GABRG3: variants seen among roughly 807,000 people sequenced by gnomAD.
GABRG3 encodes gamma-aminobutyric acid receptor subunit gamma-3.
GABRG3 carries 25 observed loss-of-function variants against 48.8 expected under a neutral mutation model. That is an observed-to-expected ratio of 0.51 (90% CI 0.37 to 0.72). GABRG3 has a LOEUF of 0.72. Ranked by LOEUF, GABRG3 falls within the 30% of genes least tolerant of loss-of-function variation. The pLI, the probability that GABRG3 is intolerant of heterozygous loss-of-function variation, is 0.00. For missense variants in GABRG3, 394 were observed against 577.9 expected, an observed-to-expected ratio of 0.68 and a Z score of 3.26; for synonymous variants, 227 against 217.6, an observed-to-expected ratio of 1.04 and a Z score of -0.38.
chr15:27,423,929 A>G (rs1888210756), intron 5 of GABRG3, among the ~76,000 whole-genome samples: 1 of 151,926 alleles, frequency 6.6e-6, no homozygotes, highest in Non-Finnish European at 1.5e-5. Context: ...TTAAGTGCCA[A>G]GTGAGTTAAT....
At chr15:27,423,721 C>CTTTTTTTTTTTTTT (rs542775399) in intron 5 of GABRG3, among the ~76,000 whole-genome samples, 2 of 81,778 alleles carry the variant, frequency 2.4e-5, no homozygotes, top group African/African-American at 5.8e-5. Flanking sequence ...TTTTCTTTTC[C>CTTTTTTTTTTTTTT]TTTTTTTTTT....
chr15:27,437,619 T>A (rs1888658914), intron 5 of GABRG3, among the ~76,000 whole-genome samples: 1 of 152,218 alleles, frequency 6.6e-6, no homozygotes, highest in Non-Finnish European at 1.5e-5. Flanking sequence ...CTGGACATGG[T>A]CACTGCTACT....
Position 27,538,408 on chromosome 15 carries a change from C to T in GABRG3, c.*5527C>T, listed in dbSNP as rs1272078172. On this transcript the variant is annotated 3_prime_UTR_variant, in exon 10 of 10. Coordinates refer to ENST00000615808, the MANE Select transcript of GABRG3 (RefSeq NM_033223.5). Reference sequence around the variant, plus strand: ...TAGGCAGACAAAACATATGTTCTCACACACACACCACTTCCAAAACAGACA... The same window carrying T: ...TAGGCAGACAAAACATATGTTCTCATACACACACCACTTCCAAAACAGACA... 6.6e-6 allele frequency: 1 copy of T among 152,202 alleles called. No individual in the cohort carries two copies. Among genetic ancestry groups the T allele is most frequent in the Non-Finnish European group, 1.5e-5 (1 of 68,042 alleles). 9.4% of individuals were successfully genotyped at this position (152,202 alleles called of 1,614,324 possible).
At chr15:27,270,750 G>T (rs929434409) in intron 3 of GABRG3, among the ~76,000 whole-genome samples, 1 of 152,166 alleles carries the variant, frequency 6.6e-6, no homozygotes, top group African/African-American at 2.4e-5. Flanking sequence ...TCACCAAAAA[G>T]AAATGGCTAA....
intron 3 of GABRG3, among the ~76,000 whole-genome samples, chr15:27,089,260 G>A (rs185101363): frequency 6.6e-6 from 1 of 152,296 alleles, no homozygotes; most frequent in African/African-American, 2.4e-5. Flanking sequence ...CACAGAGCGC[G>A]ACATTCCCTT....
chr15:27,402,031 A>T (rs1222553347), intron 5 of GABRG3, among the ~76,000 whole-genome samples: 1 of 152,230 alleles, frequency 6.6e-6, no homozygotes, highest in African/African-American at 2.4e-5. Flanking sequence ...TATTACAGTG[A>T]TGATTTTATT....
intron 3 of GABRG3, among the ~76,000 whole-genome samples, chr15:27,146,271 G>T (rs775459053): frequency 6.6e-6 from 1 of 152,086 alleles, no homozygotes. Flanking sequence ...TGGCTAACAC[G>T]TTGAAACCCT....
intron 5 of GABRG3, among the ~76,000 whole-genome samples, chr15:27,340,241 C>T (rs929391539): frequency 2.2e-4 from 34 of 152,020 alleles, no homozygotes; most frequent in African/African-American, 7.0e-4. Context: ...GGAGCGGGTG[C>T]GAGGGATAAT....
intron 6 of GABRG3, among the ~76,000 whole-genome samples, chr15:27,496,985 G>A (rs900152911): frequency 6.6e-6 from 1 of 151,968 alleles, no homozygotes; most frequent in Non-Finnish European, 1.5e-5. Context: ...GTCTATCTGT[G>A]AGTGCCAGGC....
chr15:27,040,462 G>A (rs1896256590), intron 3 of GABRG3, among the ~76,000 whole-genome samples: 1 of 152,158 alleles, frequency 6.6e-6, no homozygotes, highest in South Asian at 2.1e-4. Context: ...GGCCTCTCTG[G>A]TCTCATCCAA....
chr15:27,091,297 T>C (rs1265644217), intron 3 of GABRG3, among the ~76,000 whole-genome samples: 1 of 152,236 alleles, frequency 6.6e-6, no homozygotes, highest in South Asian at 2.1e-4. Flanking sequence ...TTTTGTATAC[T>C]GAATGACTGT....
intron 3 of GABRG3, among the ~76,000 whole-genome samples, chr15:27,307,961 T>A (rs1165941409): frequency 3.0e-5 from 4 of 135,560 alleles, no homozygotes; most frequent in Non-Finnish European, 4.6e-5. Context: ...AAAATAAACA[T>A]GTTTATATAT....
At chr15:27,153,635 T>A (rs1898364377) in intron 3 of GABRG3, among the ~76,000 whole-genome samples, 1 of 152,334 alleles carries the variant, frequency 6.6e-6, no homozygotes, top group East Asian at 1.9e-4. Flanking sequence ...TATTTAGATC[T>A]TCTTTGATTT....
chr15:27,421,293 G>T (rs1888105106), intron 5 of GABRG3, among the ~76,000 whole-genome samples: 1 of 152,214 alleles, frequency 6.6e-6, no homozygotes, highest in South Asian at 2.1e-4. Flanking sequence ...TTATATCAAT[G>T]GACAGTCTTC....
chr15:27,289,015 T>C (rs1595641818), intron 3 of GABRG3, among the ~76,000 whole-genome samples: 2 of 152,340 alleles, frequency 1.3e-5, no homozygotes, highest in South Asian at 2.1e-4. Flanking sequence ...TTCCATAACT[T>C]TGAGGTGAAA....
chr15:27,240,731 C>T (rs980057856), intron 3 of GABRG3, among the ~76,000 whole-genome samples: 18 of 152,010 alleles, frequency 1.2e-4, no homozygotes, highest in Admixed American at 7.2e-4. Flanking sequence ...AACATTTTTT[C>T]GTTTAGATCT....
chr15:27,487,878 T>C (rs896309618), intron 6 of GABRG3, among the ~76,000 whole-genome samples: 6 of 152,234 alleles, frequency 3.9e-5, no homozygotes, highest in African/African-American at 1.4e-4. Context: ...TTGTTTTACA[T>C]GCTTTTTTGA....
At chr15:27,311,124 C>T (rs1334294773) in intron 3 of GABRG3, among the ~76,000 whole-genome samples, 2 of 152,126 alleles carry the variant, frequency 1.3e-5, no homozygotes, top group African/African-American at 4.8e-5. Context: ...ATAGGAAGCC[C>T]TGGACCTTCC....
In GABRG3 at chr15:27,539,285, G is replaced by A. The variant is rs1891614649; in HGVS notation, c.*6404G>A. The A allele has an allele frequency of 6.6e-6, 1 of 152,170 alleles. No homozygotes were observed. Among genetic ancestry groups the A allele is most frequent in the Non-Finnish European group, 1.5e-5 (1 of 68,050 alleles). The allele number at this position is 152,170 out of a possible 1,614,324, so 9.4% of individuals were successfully genotyped here. ...GGGCAGGTGGAATCGCTCCTGGCAA[G>A]GGCATGACCGTGCACAGGCTGACAT... is the stretch of plus-strand genomic sequence containing the variant. On this transcript the variant is annotated 3_prime_UTR_variant, in exon 10 of 10. Transcript: ENST00000615808.
Sources: gnomAD v4.1 joint callset for allele counts (sites outside exome capture counted in the v4.1 genomes callset) on GRCh38, gnomAD v4.1.1 for gene constraint, MANE v1.5 for transcripts, NCBI Gene and HGNC (gene_info 2026-07-23, HGNC 2026-07-21) for gene names.